Variants in CHCHD3 observed in about 807,000 individuals in gnomAD.
CHCHD3 encodes the protein coiled-coil-helix-coiled-coil-helix domain containing 3, also known as MICOS complex subunit MIC19.
In CHCHD3, 20 loss-of-function variants were observed where a neutral mutation model predicts 38.2. That is an observed-to-expected ratio of 0.52 (90% CI 0.37 to 0.76). CHCHD3 has a LOEUF of 0.76. Among genes scored for constraint, CHCHD3 ranks in the 30% least tolerant of loss-of-function variants. The pLI is 0.00. For missense variants in CHCHD3, 245 were observed against 279.2 expected (o/e 0.88, Z 0.87); for synonymous variants, 82 against 100.0 (o/e 0.82, Z 1.07).
At chr7:133,076,298 G>A (rs893004468) in intron 1 of CHCHD3, among the ~76,000 whole-genome samples, 23 of 152,182 alleles carry the variant, frequency 1.5e-4, no homozygotes, top group African/African-American at 5.5e-4. Flanking sequence ...TACACCCTGA[G>A]GTCCACAGAC....
At chr7:132,875,102 C>G (rs1808862417) in intron 5 of CHCHD3, among the ~76,000 whole-genome samples, 2 of 152,114 alleles carry the variant, frequency 1.3e-5, no homozygotes, top group Admixed American at 6.5e-5. Context: ...GCACAGAAAT[C>G]TCAGGTGATA....
intron 4 of CHCHD3, among the ~76,000 whole-genome samples, chr7:132,933,638 A>T (rs1265229677): frequency 6.6e-6 from 1 of 152,234 alleles, no homozygotes; most frequent in South Asian, 2.1e-4. Context: ...GGGTACCCCC[A>T]ATCTCATAAA....
intron 6 of CHCHD3, among the ~76,000 whole-genome samples, chr7:132,826,036 C>T (rs1585549476): frequency 6.6e-6 from 1 of 152,174 alleles, no homozygotes; most frequent in Non-Finnish European, 1.5e-5. Context: ...ATGCTACCTT[C>T]GACATTCCAA....
intron 2 of CHCHD3, among the ~76,000 whole-genome samples, chr7:133,032,506 T>A (rs1190052826): frequency 6.6e-6 from 1 of 152,232 alleles, no homozygotes; most frequent in African/African-American, 2.4e-5. Context: ...TGTATATACC[T>A]TTGTAAATTT....
At position 133,011,348 on chromosome 7, in the gene CHCHD3, T is replaced by C. The variant is rs1158714668; in HGVS notation, c.251+13198A>G. ...CCAACTAATGCTGCTTTGTGAAAAA[T>C]AGAATGTGGCGGACAAGAATAGCCC... On this transcript the variant is annotated intron_variant, in intron 3 of 7. Coordinates refer to ENST00000262570, the MANE Select transcript of CHCHD3 (RefSeq NM_017812.4). 2.0e-5 allele frequency among the ~76,000 whole-genome samples: 3 copies of C among 152,248 alleles called. No individual in the cohort carries two copies. The East Asian group carries it at 5.8e-4, about 29-fold the overall frequency.
chr7:132,970,121 G>T (rs1377557272), intron 4 of CHCHD3, among the ~76,000 whole-genome samples: 1 of 152,126 alleles, frequency 6.6e-6, no homozygotes, highest in South Asian at 2.1e-4. Context: ...TTAAAGAACA[G>T]ACTATGTTCT....
At position 132,850,450 on chromosome 7, in the gene CHCHD3, G is replaced by T. The variant is rs73724114; in HGVS notation, c.454-11981C>A. Among the ~76,000 whole-genome samples the T allele has an allele frequency of 9.4e-3, 1,246 of 132,458 alleles. 6 individuals carry two copies. The highest frequency in any genetic ancestry group is 0.024 in the African/African-American group (833 of 34,862). The allele number at this position is 132,458 out of a possible 152,430, so 86.9% of individuals were successfully genotyped here. On this transcript the variant is annotated intron_variant, in intron 5 of 7. Transcript: ENST00000262570. ...ATTAGAGTCTCAGGTTTTTTTTTTT[G>T]TTTTTTTTTTTTTTCTTGATTTGGT...
intron 3 of CHCHD3, among the ~76,000 whole-genome samples, chr7:133,000,124 T>C (rs755736697): frequency 6.6e-6 from 1 of 152,184 alleles, no homozygotes; most frequent in Non-Finnish European, 1.5e-5. Flanking sequence ...GAAAACTTGA[T>C]ACATTTGCCA....
intron 3 of CHCHD3, among the ~76,000 whole-genome samples, chr7:133,023,136 A>G (rs1813240827): frequency 6.6e-6 from 1 of 152,128 alleles, no homozygotes; most frequent in African/African-American, 2.4e-5. Context: ...TATATAGTCT[A>G]TCAACCTAAC....
rs370282162 is a variant in CHCHD3 at position 132,799,896 on chromosome 7, T to G, written c.525-3319A>C. Among the ~76,000 whole-genome samples, 22 of 152,110 alleles carry G rather than the reference T, an allele frequency of 1.4e-4. No homozygotes were observed. In the South Asian group the frequency reaches 4.2e-3, roughly 29 times the overall value. Reference sequence around the variant, plus strand: ...CTCCACAAGCACTAGCAGCCCGCCCTCCCTTTGGCCCTCCCTACCCCACAC... The same window carrying G: ...CTCCACAAGCACTAGCAGCCCGCCCGCCCTTTGGCCCTCCCTACCCCACAC... On this transcript the variant is annotated intron_variant, in intron 6 of 7. Coordinates refer to ENST00000262570, the MANE Select transcript of CHCHD3 (RefSeq NM_017812.4).
At chr7:133,022,486 A>G (rs1813212267) in intron 3 of CHCHD3, 2 of 456,542 alleles carry the variant, frequency 4.4e-6, no homozygotes, top group African/African-American at 4.0e-5. Flanking sequence ...CTGTTTCTGA[A>G]GTTTCTTCTC....
chr7:132,901,345 C>A (rs765334163), intron 4 of CHCHD3, among the ~76,000 whole-genome samples: 2 of 152,180 alleles, frequency 1.3e-5, no homozygotes, highest in Non-Finnish European at 2.9e-5. Flanking sequence ...CACGAGTCAT[C>A]TGAATAGAAA....
chr7:132,790,377 C>A (rs942235525), intron 7 of CHCHD3, among the ~76,000 whole-genome samples: 1 of 152,074 alleles, frequency 6.6e-6, no homozygotes, highest in African/African-American at 2.4e-5. Context: ...GGTAGTATTT[C>A]TTCTATTAAA....
chr7:132,966,947 T>C (rs1290797855), intron 4 of CHCHD3, among the ~76,000 whole-genome samples: 1 of 152,192 alleles, frequency 6.6e-6, no homozygotes, highest in East Asian at 1.9e-4. Flanking sequence ...AGTAAATATG[T>C]TCACAATGAA....
At chr7:133,039,226 T>C (rs1239598691) in intron 2 of CHCHD3, among the ~76,000 whole-genome samples, 1 of 152,154 alleles carries the variant, frequency 6.6e-6, no homozygotes, top group East Asian at 1.9e-4. Flanking sequence ...CAATAACAAA[T>C]ATCAAAACCA....
intron 5 of CHCHD3, among the ~76,000 whole-genome samples, chr7:132,853,678 T>C (rs936169523): frequency 3.3e-5 from 5 of 152,236 alleles, no homozygotes; most frequent in Admixed American, 2.6e-4. Flanking sequence ...ACACACTTAA[T>C]ATCTATATTC....
chr7:133,059,693 T>C (rs936995008), intron 2 of CHCHD3, among the ~76,000 whole-genome samples: 7 of 152,272 alleles, frequency 4.6e-5, no homozygotes, highest in African/African-American at 1.7e-4. Context: ...TCTGCTACGA[T>C]TGAGACCTGA....
intron 3 of CHCHD3, among the ~76,000 whole-genome samples, chr7:132,978,452 C>T (rs1811829427): frequency 1.3e-5 from 2 of 152,136 alleles, no homozygotes. Context: ...TTTTTGTTCA[C>T]TGCTATATCC....
chr7:132,968,380 C>T (rs1811529912), intron 4 of CHCHD3, among the ~76,000 whole-genome samples: 2 of 152,168 alleles, frequency 1.3e-5, no homozygotes, highest in Admixed American at 1.3e-4. Flanking sequence ...TCACCAATAA[C>T]ACTGAGAAAA....
Sources: allele counts gnomAD v4.1 joint callset (sites outside exome capture counted in the v4.1 genomes callset), GRCh38; gene constraint gnomAD v4.1.1; transcripts MANE v1.5; gene names NCBI Gene and HGNC (gene_info 2026-07-23, HGNC 2026-07-21).